The following TBC1D15 variants were observed in gnomAD, a reference collection of about 807,000 sequenced individuals.
TBC1D15 encodes the protein GAP for RAB7.
Under a neutral mutation model 95.4 loss-of-function variants are expected in TBC1D15, and 39 were observed. That is an observed-to-expected ratio of 0.41 (90% CI 0.32 to 0.53). TBC1D15 has a LOEUF of 0.53. TBC1D15 is among the 20% of genes least tolerant of loss of function. The probability of loss-of-function intolerance (pLI) is 0.29; values close to 1 mark genes in which losing one functional copy is unlikely to be tolerated. For missense variants in TBC1D15, 733 were observed against 794.3 expected (o/e 0.92, Z 0.93); for synonymous variants, 258 against 261.3 (o/e 0.99, Z 0.12).
intron 1 of TBC1D15, among the ~76,000 whole-genome samples, chr12:71,866,312 C>T (rs920293781): frequency 7.2e-5 from 11 of 152,222 alleles, no homozygotes; most frequent in Admixed American, 1.3e-4. Flanking sequence ...ATCTTCTCCT[C>T]TCTTGGGGGA....
chr12:71,877,746 A>G (rs1894272898), intron 3 of TBC1D15, among the ~76,000 whole-genome samples: 2 of 151,984 alleles, frequency 1.3e-5, no homozygotes, highest in Non-Finnish European at 2.9e-5. Flanking sequence ...TGGTTGTAAT[A>G]TATTTTCTTA....
intron 1 of TBC1D15, among the ~76,000 whole-genome samples, chr12:71,844,636 C>T (rs1885867020): frequency 6.6e-6 from 1 of 152,126 alleles, no homozygotes; most frequent in Admixed American, 6.5e-5. Context: ...TGTCTGTTTT[C>T]TTGTCATCCC....
At chr12:71,882,633 C>T (rs1471317527) in intron 4 of TBC1D15, among the ~76,000 whole-genome samples, 1 of 152,136 alleles carries the variant, frequency 6.6e-6, no homozygotes, top group Non-Finnish European at 1.5e-5. Flanking sequence ...ATTTCTATTT[C>T]TGGCTAGCTA....
At chr12:71,912,633 T>C (rs1271204995) in intron 11 of TBC1D15, among the ~76,000 whole-genome samples, 1 of 152,154 alleles carries the variant, frequency 6.6e-6, no homozygotes, top group Admixed American at 6.6e-5. Context: ...TGTGTAATTA[T>C]GTATCATTTA....
chr12:71,906,692 A>G (rs1900796973), intron 10 of TBC1D15, among the ~76,000 whole-genome samples: 2 of 151,406 alleles, frequency 1.3e-5, no homozygotes, highest in African/African-American at 4.9e-5. Flanking sequence ...AATGACTGGC[A>G]TTTTTGTTGC....
Position 71,894,676 on chromosome 12 carries a change from T to G in TBC1D15, c.658-10T>G. 6.2e-7 allele frequency: 1 copy of G among 1,605,552 alleles called. No homozygotes were observed. Among genetic ancestry groups the G allele is most frequent in the Non-Finnish European group, 8.5e-7 (1 of 1,176,028 alleles). On this transcript the variant is annotated splice_polypyrimidine_tract_variant and intron_variant, in intron 6 of 16. Transcript: ENST00000485960. ...TTAATAATGCTAATATTTTTCTTCC[T>G]ACTGCATAGAAAATTAAAAAGGACC...
intron 1 of TBC1D15, among the ~76,000 whole-genome samples, chr12:71,853,905 A>G (rs920909786): frequency 2.0e-5 from 3 of 152,222 alleles, no homozygotes; most frequent in African/African-American, 4.8e-5. Context: ...GTTTCTTCTA[A>G]TAGTTTCCCT....
intron 6 of TBC1D15, 28 bp from the exon 7 acceptor site, chr12:71,894,658 T>C: frequency 6.3e-7 from 1 of 1,577,440 alleles, no homozygotes; most frequent in South Asian, 1.1e-5. Context: ...GAGTTAATAA[T>C]GCTAATATTT....
chr12:71,892,219 C>T (rs1897306163), intron 5 of TBC1D15, among the ~76,000 whole-genome samples: 1 of 151,808 alleles, frequency 6.6e-6, no homozygotes, highest in Non-Finnish European at 1.5e-5. Flanking sequence ...TTATTAGCTA[C>T]TATTGTATAT....
intron 7 of TBC1D15, among the ~76,000 whole-genome samples, chr12:71,895,520 A>C (rs954390320): frequency 1.3e-5 from 2 of 152,116 alleles, no homozygotes; most frequent in Non-Finnish European, 2.9e-5. Context: ...ATTCTGAGAA[A>C]TACAAACTTT....
At chr12:71,896,567 A>G (rs999507561) in intron 8 of TBC1D15, 110 bp from the exon 9 acceptor site, 28 of 828,536 alleles carry the variant, frequency 3.4e-5, no homozygotes, top group African/African-American at 5.2e-5. Flanking sequence ...CTATTTACAT[A>G]TATGAAACTA....
At chr12:71,887,442 C>T (rs988861389) in intron 5 of TBC1D15, among the ~76,000 whole-genome samples, 48 of 152,194 alleles carry the variant, frequency 3.2e-4, no homozygotes, top group Non-Finnish European at 5.7e-4. Context: ...CTGTCATCAA[C>T]AAGGGCCTGC....
intron 1 of TBC1D15, among the ~76,000 whole-genome samples, chr12:71,845,084 A>G (rs1014542640): frequency 3.3e-5 from 5 of 152,260 alleles, no homozygotes; most frequent in African/African-American, 1.2e-4. Context: ...TTCCAGGTAG[A>G]TGGAACAGAA....
chr12:71,895,926 A>G, intron 7 of TBC1D15, 21 bp from the exon 8 acceptor site: 2 of 1,607,262 alleles, frequency 1.2e-6, no homozygotes, highest in Non-Finnish European at 1.7e-6. Flanking sequence ...TGTACTTATT[A>G]TTGCTTAATC....
At chr12:71,912,485 G>A (rs1902632477) in intron 11 of TBC1D15, among the ~76,000 whole-genome samples, 1 of 152,096 alleles carries the variant, frequency 6.6e-6, no homozygotes, top group African/African-American at 2.4e-5. Context: ...AAATTGAGCT[G>A]AAACTTTATT....
At chr12:71,907,299 A>C in intron 11 of TBC1D15, 161 bp downstream of exon 11, 1 of 457,638 alleles carries the variant, frequency 2.2e-6, no homozygotes, top group Non-Finnish European at 3.8e-6. Flanking sequence ...GTTCTCAACC[A>C]AGGAGCCCTG....
rs1455268362 is a variant in TBC1D15 at position 71,849,177 on chromosome 12, A to C, written c.30+9366A>C. On this transcript the variant is annotated intron_variant, in intron 1 of 16. Coordinates refer to ENST00000485960, the MANE Select transcript of TBC1D15 (RefSeq NM_001146213.3). ...AACTGTGATTATAAAAAAAAAAAAA[A>C]ACAAAAAAAAAACAAAAAACTTCAG... is the stretch of plus-strand genomic sequence containing the variant. 122 of 282,490 alleles carry C rather than the reference A, an allele frequency of 4.3e-4. No homozygotes were observed. The East Asian group carries it at 4.4e-3, about 10-fold the overall frequency. The allele number at this position is 282,490 out of a possible 1,614,324, so 17.5% of individuals were successfully genotyped here. A position where few individuals can be genotyped will look rare whatever the true frequency, so the allele number is the denominator to read the frequency against.
rs1386896749 is a variant in TBC1D15 at position 71,896,465 on chromosome 12, A to G, written c.985-212A>G. ...TGTAGTCTACTGTATTCTGTAGTCT[A>G]CTGTATTCTGTGCACTGTTTAAACT... On this transcript the variant is annotated intron_variant, in intron 8 of 16. Transcript: ENST00000485960. The G allele has an allele frequency of 2.0e-5, 10 of 488,360 alleles. No individual in the cohort carries two copies. The East Asian group carries it at 3.1e-4, about 15-fold the overall frequency. 30.3% of individuals were successfully genotyped at this position (488,360 alleles called of 1,614,324 possible).
intron 1 of TBC1D15, among the ~76,000 whole-genome samples, chr12:71,842,148 G>A (rs756066054): frequency 1.3e-5 from 2 of 152,160 alleles, no homozygotes; most frequent in Non-Finnish European, 2.9e-5. Context: ...CTCCACCTAG[G>A]ATGTAACTTT....
Sources: gnomAD v4.1 joint callset for allele counts (sites outside exome capture counted in the v4.1 genomes callset) on GRCh38, gnomAD v4.1.1 for gene constraint, MANE v1.5 for transcripts, NCBI Gene and HGNC (gene_info 2026-07-23, HGNC 2026-07-21) for gene names.